The following TBL1XR1 variants were observed in gnomAD, a reference collection of about 807,000 sequenced individuals.
The protein encoded by TBL1XR1 is F-box-like/WD repeat-containing protein TBL1XR1.
Under a neutral mutation model 66.9 loss-of-function variants are expected in TBL1XR1, and 5 were observed. The observed-to-expected ratio is 0.07, with a 90% confidence interval of 0.04 to 0.16. TBL1XR1 has a LOEUF of 0.16. Ranked by LOEUF, TBL1XR1 falls within the 10% of genes least tolerant of loss-of-function variation. The probability of loss-of-function intolerance (pLI) is 1.00; values close to 1 mark genes in which losing one functional copy is unlikely to be tolerated. For synonymous variants in TBL1XR1, 210 were observed against 206.0 expected (o/e 1.02, Z -0.17); for missense variants, 238 against 623.2 (o/e 0.38, Z 6.58).
At position 177,021,795 on chromosome 3, in the gene TBL1XR1, C is replaced by T. The variant is rs1274115080; in HGVS notation, c.*3703G>A. On this transcript the variant is annotated 3_prime_UTR_variant, in exon 16 of 16. Transcript: ENST00000457928. ...GAAATAGGATTTCTGCGGAAACTGT[C>T]AACAGTAGTAATTCACCATATGCAA... The T allele has an allele frequency of 1.3e-5, 2 of 152,618 alleles. No homozygotes were observed. Among genetic ancestry groups the T allele is most frequent in the Non-Finnish European group, 2.9e-5 (2 of 68,002 alleles). The allele number at this position is 152,618 out of a possible 1,614,324, so 9.5% of individuals were successfully genotyped here. A position where few individuals can be genotyped will look rare whatever the true frequency, so the allele number is the denominator to read the frequency against.
intron 1 of TBL1XR1, among the ~76,000 whole-genome samples, chr3:177,128,979 A>G (rs80182444): frequency 0.014 from 2,068 of 152,234 alleles, 55 homozygotes; most frequent in African/African-American, 0.047. Context: ...TATTTCTTCT[A>G]TAACTCCACT....
intron 3 of TBL1XR1, among the ~76,000 whole-genome samples, chr3:177,062,565 T>C (rs1032914669): frequency 3.3e-5 from 5 of 152,228 alleles, no homozygotes. Context: ...GATCTTTCCC[T>C]ATAAATCATA....
chr3:177,038,746 T>C (rs916425472), intron 10 of TBL1XR1, among the ~76,000 whole-genome samples: 3 of 152,186 alleles, frequency 2.0e-5, no homozygotes, highest in Non-Finnish European at 2.9e-5. Flanking sequence ...AATGATAAAA[T>C]TAAATGTGAT....
intron 1 of TBL1XR1, among the ~76,000 whole-genome samples, chr3:177,124,953 TA>T (rs1260684544): frequency 6.6e-6 from 1 of 151,842 alleles, no homozygotes; most frequent in African/African-American, 2.4e-5. Flanking sequence ...AACTAAGAGC[TA>T]AAACTCTGAA....
intron 3 of TBL1XR1, among the ~76,000 whole-genome samples, chr3:177,060,571 ACAT>A (rs1718387230): frequency 6.6e-6 from 1 of 152,224 alleles, no homozygotes; most frequent in South Asian, 2.1e-4. Flanking sequence ...GGATAAAATG[ACAT>A]CTTCTTATAG....
At chr3:177,109,825 TCAGAGC>T (rs772710530) in intron 1 of TBL1XR1, among the ~76,000 whole-genome samples, 66 of 152,098 alleles carry the variant, frequency 4.3e-4, no homozygotes, top group African/African-American at 1.3e-3. Context: ...AGTAGGATGG[TCAGAGC>T]CAGAGTTGGT....
At chr3:177,114,274 T>C (rs543191375) in intron 1 of TBL1XR1, among the ~76,000 whole-genome samples, 145 of 151,424 alleles carry the variant, frequency 9.6e-4, no homozygotes, top group Non-Finnish European at 1.8e-3. Flanking sequence ...CATATATATA[T>C]ACACACATCA....
intron 14 of TBL1XR1, among the ~76,000 whole-genome samples, chr3:177,031,929 A>T (rs539753888): frequency 6.6e-6 from 1 of 152,204 alleles, no homozygotes; most frequent in South Asian, 2.1e-4. Context: ...TGAATAACCC[A>T]GTTGAAAATA....
chr3:177,117,163 T>A (rs899136927), intron 1 of TBL1XR1, among the ~76,000 whole-genome samples: 1 of 152,218 alleles, frequency 6.6e-6, no homozygotes, highest in Non-Finnish European at 1.5e-5. Context: ...CATTTTTAAC[T>A]AACATCACAA....
At chr3:177,194,213 T>C (rs1404526666) in intron 1 of TBL1XR1, 3 of 152,244 alleles carry the variant, frequency 2.0e-5, no homozygotes, top group African/African-American at 4.8e-5. Flanking sequence ...AACAATTCTT[T>C]ACTACACAGC....
At chr3:177,174,902 G>A (rs941404978) in intron 1 of TBL1XR1, among the ~76,000 whole-genome samples, 5 of 152,054 alleles carry the variant, frequency 3.3e-5, no homozygotes, top group Admixed American at 6.6e-5. Context: ...ATGTCCTTAG[G>A]CACAGCAAAG....
At chr3:177,165,967 G>A (rs1485639420) in intron 1 of TBL1XR1, among the ~76,000 whole-genome samples, 2 of 152,074 alleles carry the variant, frequency 1.3e-5, no homozygotes, top group East Asian at 1.9e-4. Context: ...GTATGCCCCT[G>A]TAGACCCACC....
intron 2 of TBL1XR1, among the ~76,000 whole-genome samples, chr3:177,088,295 A>G (rs945741618): frequency 6.6e-6 from 1 of 152,190 alleles, no homozygotes; most frequent in East Asian, 1.9e-4. Context: ...ACTTGATCTC[A>G]TATGACAAGT....
At chr3:177,100,413 A>G (rs1212525322) in intron 1 of TBL1XR1, among the ~76,000 whole-genome samples, 1 of 152,080 alleles carries the variant, frequency 6.6e-6, no homozygotes, top group Non-Finnish European at 1.5e-5. Flanking sequence ...ATCAACACCA[A>G]CAGTGAATAA....
intron 1 of TBL1XR1, among the ~76,000 whole-genome samples, chr3:177,165,808 G>T (rs1732752103): frequency 1.3e-5 from 2 of 152,130 alleles, no homozygotes; most frequent in Non-Finnish European, 2.9e-5. Context: ...ACTCAAAATA[G>T]ATCACAGAGC....
chr3:177,026,575 G>C (rs1386163185), intron 14 of TBL1XR1, 101 bp from the exon 15 acceptor site: 9 of 808,676 alleles, frequency 1.1e-5, no homozygotes, highest in Non-Finnish European at 1.6e-5. Flanking sequence ...CTAGCAATCA[G>C]AGGAGGGACT....
chr3:177,073,045 CAAAG>C (rs1242535463), intron 2 of TBL1XR1, among the ~76,000 whole-genome samples: 1 of 151,748 alleles, frequency 6.6e-6, no homozygotes, highest in African/African-American at 2.4e-5. Flanking sequence ...ACCTGGGTGA[CAAAG>C]AGAGAGTTTG....
At chr3:177,105,344 A>G (rs1313559220) in intron 1 of TBL1XR1, among the ~76,000 whole-genome samples, 1 of 152,134 alleles carries the variant, frequency 6.6e-6, no homozygotes, top group African/African-American at 2.4e-5. Context: ...AGAAAGAAAC[A>G]AGTGTGGGGG....
At chr3:177,025,954 C>T (rs1576956926) in intron 15 of TBL1XR1, 2 of 269,160 alleles carry the variant, frequency 7.4e-6, no homozygotes, top group East Asian at 2.3e-4. Flanking sequence ...TGGCTAACCT[C>T]ATCCTGAAAA....
Sources: allele counts gnomAD v4.1 joint callset (sites outside exome capture counted in the v4.1 genomes callset), GRCh38; gene constraint gnomAD v4.1.1; transcripts MANE v1.5; gene names NCBI Gene and HGNC (gene_info 2026-07-23, HGNC 2026-07-21).